TENM2: variants seen among roughly 807,000 people sequenced by gnomAD.
TENM2 encodes the protein teneurin transmembrane protein 2.
TENM2 carries 52 observed loss-of-function variants against 245.2 expected under a neutral mutation model. The ratio of observed to expected loss-of-function variants is 0.21; its 90% CI spans 0.17 to 0.27. TENM2 has a LOEUF of 0.27. Among genes scored for constraint, TENM2 ranks in the 10% least tolerant of loss-of-function variants. TENM2 has a pLI of 1.00. For synonymous variants in TENM2, 1,363 were observed against 1,438.9 expected (o/e 0.95, Z 1.19); for missense variants, 3,046 against 3,666.8 (o/e 0.83, Z 4.37).
At chr5:167,282,694 T>C (rs971155572), upstream of TENM2, among the ~76,000 whole-genome samples, 1 of 152,164 alleles carries the variant, frequency 6.6e-6, no homozygotes, top group Non-Finnish European at 1.5e-5. Flanking sequence ...TCACCAGTGG[T>C]CATGGTAGGA....
intron 9 of TENM2, among the ~76,000 whole-genome samples, chr5:168,117,974 C>G (rs529027811): frequency 6.6e-6 from 1 of 152,280 alleles, no homozygotes; most frequent in South Asian, 2.1e-4. Context: ...GTCTGAGCCT[C>G]ACCTGCAAAA....
chr5:167,929,069 GA>G (rs1561945617), intron 3 of TENM2, among the ~76,000 whole-genome samples: 1 of 18,846 alleles, frequency 5.3e-5, no homozygotes, highest in Non-Finnish European at 9.6e-5. Flanking sequence ...GAGAAAGAAA[GA>G]AAGAAAGAAA....
chr5:166,984,543 A>G, the TENM2 span, among the ~76,000 whole-genome samples: 6 of 152,138 alleles, frequency 3.9e-5, no homozygotes. Context: ...TCATAATGTG[A>G]AATAATTACT....
intron 2 of TENM2, among the ~76,000 whole-genome samples, chr5:167,491,887 G>A (rs1011796923): frequency 6.6e-6 from 1 of 151,994 alleles, no homozygotes; most frequent in Admixed American, 6.6e-5. Flanking sequence ...GAATCTCTAG[G>A]TGTCACATAA....
the TENM2 span, among the ~76,000 whole-genome samples, chr5:167,047,311 T>A: frequency 3.3e-5 from 5 of 152,192 alleles, no homozygotes; most frequent in Non-Finnish European, 5.9e-5. Flanking sequence ...AATCATTTTG[T>A]TTTTAACATA....
intron 2 of TENM2, among the ~76,000 whole-genome samples, chr5:167,450,974 TA>T (rs1279075604): frequency 6.6e-6 from 1 of 152,214 alleles, no homozygotes; most frequent in Admixed American, 6.5e-5. Flanking sequence ...TACAGTCTCT[TA>T]TTTTTTTATC....
exon 29 of TENM2, chr5:168,262,606 C>G: frequency 6.3e-7 from 1 of 1,586,024 alleles, no homozygotes; most frequent in Non-Finnish European, 8.6e-7. Context: ...TGGGCACGGC[C>G]TGGGCCAAGG....
chr5:167,364,421 G>A (rs754441780), intron 1 of TENM2, among the ~76,000 whole-genome samples: 85 of 151,982 alleles, frequency 5.6e-4, no homozygotes, highest in Middle Eastern at 3.4e-3. Flanking sequence ...AGCACAAACA[G>A]GAAAACATAA....
At chr5:167,462,664 TTCCTTCTCTACTG>T (rs1264163495) in intron 2 of TENM2, among the ~76,000 whole-genome samples, 2 of 151,962 alleles carry the variant, frequency 1.3e-5, no homozygotes, top group African/African-American at 2.4e-5. Flanking sequence ...AGTTCAGACA[TTCCTTCTCTACTG>T]TCCTTCTCTG....
At position 168,147,885 on chromosome 5, in the gene TENM2, G is replaced by A. The variant is rs80047500; in HGVS notation, c.2423-14726G>A. On this transcript the variant is annotated intron_variant, in intron 12 of 28. Coordinates refer to ENST00000518659, the Ensembl canonical transcript of TENM2. The stretch of plus-strand genomic sequence containing the variant: ...TCTAAAAGGTACGTTCAGCAGAACC[G>A]GAATAGAACTCAGGCTAAATGCTGG... 7.4e-3 allele frequency among the ~76,000 whole-genome samples: 1,123 copies of A among 152,260 alleles called. 19 individuals are homozygous for A. Among genetic ancestry groups the A allele is most frequent in the African/African-American group, 0.025 (1,043 of 41,550 alleles).
At chr5:167,360,894 A>C (rs942151719) in intron 1 of TENM2, among the ~76,000 whole-genome samples, 2 of 152,164 alleles carry the variant, frequency 1.3e-5, no homozygotes, top group African/African-American at 4.8e-5. Context: ...ACTCGCTTCT[A>C]CAATATTCTT....
chr5:167,332,584 G>C (rs1249148427), intron 1 of TENM2, among the ~76,000 whole-genome samples: 1 of 152,136 alleles, frequency 6.6e-6, no homozygotes, highest in Non-Finnish European at 1.5e-5. Context: ...CTCTGCCCCA[G>C]TTTCATCCCC....
the TENM2 span, among the ~76,000 whole-genome samples, chr5:167,068,566 A>G: frequency 6.6e-6 from 1 of 152,218 alleles, no homozygotes; most frequent in Non-Finnish European, 1.5e-5. Context: ...TAAATCTGTC[A>G]GATCTGGTAT....
chr5:167,926,981 G>C (rs1252328725), intron 3 of TENM2, among the ~76,000 whole-genome samples: 4 of 151,978 alleles, frequency 2.6e-5, no homozygotes, highest in African/African-American at 9.7e-5. Flanking sequence ...ACAAAATTTG[G>C]TATTAACAGC....
the TENM2 span, among the ~76,000 whole-genome samples, chr5:167,197,943 A>G: frequency 6.6e-6 from 1 of 151,844 alleles, no homozygotes; most frequent in African/African-American, 2.4e-5. Context: ...AGGGAGGGAG[A>G]GAGGATTAAA....
At chr5:167,736,802 G>T (rs112792405) in intron 2 of TENM2, among the ~76,000 whole-genome samples, 7 of 151,964 alleles carry the variant, frequency 4.6e-5, no homozygotes, top group African/African-American at 1.7e-4. Context: ...GAGAAGTCTT[G>T]TTCCTATCTG....
chr5:167,271,825 A>G, the TENM2 span, among the ~76,000 whole-genome samples: 1 of 152,248 alleles, frequency 6.6e-6, no homozygotes, highest in East Asian at 1.9e-4. Flanking sequence ...CATTAACCAG[A>G]GTTGGCTTTT....
intron 5 of TENM2, among the ~76,000 whole-genome samples, chr5:168,004,408 T>C (rs1784640197): frequency 1.3e-5 from 2 of 151,990 alleles, no homozygotes; most frequent in South Asian, 4.1e-4. Flanking sequence ...GACCAGGACA[T>C]AGATATGCTG....
At chr5:166,995,167 T>C in the TENM2 span, among the ~76,000 whole-genome samples, 2 of 152,158 alleles carry the variant, frequency 1.3e-5, no homozygotes. Context: ...TGTATTTCTT[T>C]TCCTTCAGGA....
Sources: gnomAD v4.1 joint callset for allele counts (sites outside exome capture counted in the v4.1 genomes callset) on GRCh38, gnomAD v4.1.1 for gene constraint, MANE v1.5 for transcripts, NCBI Gene and HGNC (gene_info 2026-07-23, HGNC 2026-07-21) for gene names.